Variants in GPR55 observed in about 807,000 individuals in gnomAD.
The protein encoded by GPR55 is G-protein coupled receptor 55.
GPR55 carries 6 observed loss-of-function variants against 7.9 expected under a neutral mutation model. That is an observed-to-expected ratio of 0.76 (90% confidence interval 0.41 to 1.49). The LOEUF (loss-of-function observed/expected upper bound fraction) is 1.49, where lower values mean the gene tolerates loss of function less well. Among genes scored for constraint, GPR55 ranks in the 40% most tolerant of loss-of-function variants. The pLI is 0.01. For synonymous variants in GPR55, 183 were observed against 166.8 expected (o/e 1.10, Z -0.75); for missense variants, 376 against 406.0 (o/e 0.93, Z 0.63).
At chr2:230,921,111 A>G (rs1690824186) in intron 1 of GPR55, among the ~76,000 whole-genome samples, 2 of 152,264 alleles carry the variant, frequency 1.3e-5, no homozygotes, top group African/African-American at 4.8e-5. Flanking sequence ...AGTGAAAGTT[A>G]CAATAAATAA....
intron 1 of GPR55, among the ~76,000 whole-genome samples, chr2:230,953,911 G>A (rs10192512): frequency 0.061 from 9,346 of 152,242 alleles, 683 homozygotes; most frequent in East Asian, 0.4. Context: ...CCACCTCCCC[G>A]GTCTCCTGGA....
chr2:230,955,939 T>A (rs1031003908), intron 1 of GPR55, among the ~76,000 whole-genome samples: 1 of 152,018 alleles, frequency 6.6e-6, no homozygotes, highest in African/African-American at 2.4e-5. Context: ...ATTGCCCAGG[T>A]TGGTCTCAAG....
At chr2:230,918,341 C>G (rs1165986854) in intron 1 of GPR55, among the ~76,000 whole-genome samples, 1 of 152,094 alleles carries the variant, frequency 6.6e-6, no homozygotes, top group Non-Finnish European at 1.5e-5. Context: ...TGTTGAAAAA[C>G]CTTGATGTAG....
chr2:230,945,570 TTTG>T (rs896219829), intron 1 of GPR55, among the ~76,000 whole-genome samples: 6 of 152,180 alleles, frequency 3.9e-5, no homozygotes, highest in Non-Finnish European at 5.9e-5. Context: ...AGATTCACTT[TTTG>T]TTGTTGTTGT....
intron 1 of GPR55, among the ~76,000 whole-genome samples, chr2:230,932,189 G>A (rs973727047): frequency 6.6e-6 from 1 of 152,228 alleles, no homozygotes; most frequent in Non-Finnish European, 1.5e-5. Flanking sequence ...CCACCAGCCC[G>A]CCGACCTTCT....
chr2:230,943,197 C>T (rs1431361069), intron 1 of GPR55, among the ~76,000 whole-genome samples: 4 of 152,134 alleles, frequency 2.6e-5, no homozygotes, highest in South Asian at 2.1e-4. Flanking sequence ...GAGGCCATCC[C>T]GGGCAGTGCT....
chr2:230,916,950 T>C (rs185804221), intron 1 of GPR55, among the ~76,000 whole-genome samples: 44 of 152,366 alleles, frequency 2.9e-4, no homozygotes, highest in African/African-American at 9.4e-4. Context: ...CTGTTTGCTC[T>C]TATGAAGGGT....
At chr2:230,947,623 C>T (rs1444713205) in intron 1 of GPR55, among the ~76,000 whole-genome samples, 1 of 151,766 alleles carries the variant, frequency 6.6e-6, no homozygotes, top group Non-Finnish European at 1.5e-5. Flanking sequence ...CGTGCCTCAG[C>T]CTCCCACGTA....
chr2:230,952,532 C>A (rs1691419348), intron 1 of GPR55, among the ~76,000 whole-genome samples: 1 of 152,220 alleles, frequency 6.6e-6, no homozygotes, highest in African/African-American at 2.4e-5. Flanking sequence ...CTGCTGACAC[C>A]TCTACAGCCT....
upstream of GPR55, among the ~76,000 whole-genome samples, chr2:230,927,818 C>T (rs747903816): frequency 1.8e-4 from 27 of 152,260 alleles, no homozygotes; most frequent in East Asian, 7.7e-4. Flanking sequence ...TGGTGAAATT[C>T]GCTCCTTCAG....
intron 1 of GPR55, among the ~76,000 whole-genome samples, chr2:230,914,977 G>A (rs189020881): frequency 9.8e-5 from 15 of 152,344 alleles, no homozygotes; most frequent in Admixed American, 8.5e-4. Context: ...ACAACAAGGT[G>A]GGAAGGACTT....
intron 1 of GPR55, among the ~76,000 whole-genome samples, chr2:230,940,734 G>A (rs541421150): frequency 1.3e-4 from 19 of 150,474 alleles, no homozygotes; most frequent in East Asian, 7.7e-4. Flanking sequence ...TGCTGCCTGC[G>A]TTTCTGGCCA....
intron 1 of GPR55, among the ~76,000 whole-genome samples, chr2:230,914,672 G>T (rs923502592): frequency 6.6e-6 from 1 of 152,100 alleles, no homozygotes; most frequent in Non-Finnish European, 1.5e-5. Context: ...CGGGGCGGGG[G>T]GCAGCAACTA....
chr2:230,934,700 T>C (rs1691105657), intron 1 of GPR55, among the ~76,000 whole-genome samples: 1 of 151,382 alleles, frequency 6.6e-6, no homozygotes, highest in South Asian at 2.1e-4. Flanking sequence ...TGGGGTGGGG[T>C]GAGGATGACC....
At chr2:230,934,043 G>A (rs1441952549) in intron 1 of GPR55, among the ~76,000 whole-genome samples, 2 of 152,108 alleles carry the variant, frequency 1.3e-5, no homozygotes, top group Non-Finnish European at 2.9e-5. Context: ...ATTGTCACCT[G>A]GGCTCAGGGT....
intron 1 of GPR55, among the ~76,000 whole-genome samples, chr2:230,912,814 G>C (rs6436980): frequency 4.6e-5 from 7 of 152,092 alleles, no homozygotes; most frequent in Non-Finnish European, 7.4e-5. Flanking sequence ...AAGTATTCCA[G>C]GCGCTCAATA....
chr2:230,928,893 T>G (rs545974936), upstream of GPR55, among the ~76,000 whole-genome samples: 1 of 152,324 alleles, frequency 6.6e-6, no homozygotes, highest in East Asian at 1.9e-4. Context: ...CTCAAAGGGT[T>G]GAGCTCCAAG....
intron 1 of GPR55, among the ~76,000 whole-genome samples, chr2:230,937,804 G>C (rs1281333529): frequency 6.6e-6 from 1 of 152,038 alleles, no homozygotes; most frequent in African/African-American, 2.4e-5. Context: ...ACAAAACACA[G>C]ATGCTGCCAC....
upstream of GPR55, among the ~76,000 whole-genome samples, chr2:230,925,967 G>A (rs1245432452): frequency 6.6e-6 from 1 of 152,122 alleles, no homozygotes; most frequent in African/African-American, 2.4e-5. Flanking sequence ...TCTTAGCTGG[G>A]AGCCCTCATA....
Sources: allele counts gnomAD v4.1 joint callset (sites outside exome capture counted in the v4.1 genomes callset), GRCh38; gene constraint gnomAD v4.1.1; transcripts MANE v1.5; gene names NCBI Gene and HGNC (gene_info 2026-07-23, HGNC 2026-07-21).